Variants in SIDT1 observed in about 807,000 individuals in gnomAD.
SIDT1 encodes the protein SID1 transmembrane family member 1.
SIDT1 carries 101 observed loss-of-function variants against 107.5 expected under a neutral mutation model. That is an observed-to-expected ratio of 0.94 (90% confidence interval 0.80 to 1.11). The LOEUF (loss-of-function observed/expected upper bound fraction) is 1.11. Among genes scored for constraint, SIDT1 ranks in the 50% least tolerant of loss-of-function variants. SIDT1 has a pLI of 0.00. For missense variants in SIDT1, 1,076 were observed against 1,058.2 expected (o/e 1.02, Z -0.23); for synonymous variants, 395 against 398.2 (o/e 0.99, Z 0.10).
At chr3:113,620,493 C>G (rs1174039172) in intron 21 of SIDT1, among the ~76,000 whole-genome samples, 2 of 137,622 alleles carry the variant, frequency 1.5e-5, no homozygotes, top group Non-Finnish European at 3.2e-5. Context: ...GGGTCAGTGG[C>G]CTGTGATTAA....
intron 3 of SIDT1, among the ~76,000 whole-genome samples, chr3:113,570,898 C>T (rs2094127884): frequency 5.9e-5 from 9 of 152,212 alleles, no homozygotes; most frequent in Admixed American, 5.9e-4. Context: ...ATCTAATCCA[C>T]CTGCCTCATT....
chr3:113,626,419 C>T (rs563153574), intron 24 of SIDT1, among the ~76,000 whole-genome samples: 22 of 152,152 alleles, frequency 1.4e-4, no homozygotes, highest in Middle Eastern at 3.4e-3. Context: ...TTTTACTCTT[C>T]AATATCTTTA....
intron 1 of SIDT1, among the ~76,000 whole-genome samples, chr3:113,548,820 A>T (rs547557522): frequency 6.6e-6 from 1 of 152,192 alleles, no homozygotes; most frequent in Non-Finnish European, 1.5e-5. Context: ...TCTTTGTCTT[A>T]TTCAATATAT....
At chr3:113,555,212 C>T (rs1940711953) in intron 1 of SIDT1, among the ~76,000 whole-genome samples, 4 of 152,180 alleles carry the variant, frequency 2.6e-5, no homozygotes, top group Non-Finnish European at 4.4e-5. Context: ...CTCTGCCCTC[C>T]TCCTACTTTT....
chr3:113,552,908 G>A (rs923495810), intron 1 of SIDT1, among the ~76,000 whole-genome samples: 1 of 152,078 alleles, frequency 6.6e-6, no homozygotes, highest in African/African-American at 2.4e-5. Flanking sequence ...AACATGCAAG[G>A]GTTTTGGATG....
In SIDT1 at chr3:113,558,227, G is replaced by A. The variant is rs370409132; in HGVS notation, c.223-8193G>A. Among the ~76,000 whole-genome samples the A allele has an allele frequency of 9.2e-5, 14 of 152,298 alleles. No homozygotes were observed. The East Asian group carries it at 2.7e-3, about 29-fold the overall frequency. On this transcript the variant is annotated intron_variant, in intron 1 of 24. Coordinates refer to ENST00000264852, the MANE Select transcript of SIDT1 (RefSeq NM_017699.3). Reference sequence around the variant, plus strand: ...GCAAACACAAAGGCCAGCACATCATGGCTTCTTTTTTATTATTACTAGGAA... The same window carrying A: ...GCAAACACAAAGGCCAGCACATCATAGCTTCTTTTTTATTATTACTAGGAA...
At chr3:113,588,986 G>T (rs527316558) in intron 9 of SIDT1, among the ~76,000 whole-genome samples, 1 of 152,150 alleles carries the variant, frequency 6.6e-6, no homozygotes, top group Non-Finnish European at 1.5e-5. Context: ...GCTCTTCTGG[G>T]CTGGCCTCAG....
downstream of SIDT1, among the ~76,000 whole-genome samples, chr3:113,630,344 C>T (rs1293923845): frequency 6.6e-6 from 1 of 152,116 alleles, no homozygotes; most frequent in Non-Finnish European, 1.5e-5. Flanking sequence ...TTATGCTCCA[C>T]GGTTTACTGA....
the SIDT1 span, among the ~76,000 whole-genome samples, chr3:113,636,535 A>G: frequency 6.6e-6 from 1 of 152,170 alleles, no homozygotes; most frequent in Non-Finnish European, 1.5e-5. Context: ...AGTAAGTTCT[A>G]CACAACTACA....
chr3:113,583,850 G>A (rs774784948), intron 7 of SIDT1, among the ~76,000 whole-genome samples: 1 of 152,136 alleles, frequency 6.6e-6, no homozygotes, highest in Non-Finnish European at 1.5e-5. Flanking sequence ...AAGATGGGGT[G>A]GTAACCAGTA....
At chr3:113,537,226 C>T (rs2107566988) in intron 1 of SIDT1, among the ~76,000 whole-genome samples, 1 of 152,302 alleles carries the variant, frequency 6.6e-6, no homozygotes, top group Middle Eastern at 3.4e-3. Flanking sequence ...CATTTATTAA[C>T]TAAGGCATTT....
chr3:113,620,192 A>ATGTGTG (rs3085042), intron 21 of SIDT1, among the ~76,000 whole-genome samples: 11,053 of 144,516 alleles, frequency 0.076, 689 homozygotes, highest in East Asian at 0.25. Flanking sequence ...CTTTTACTAA[A>ATGTGTG]TGTGTGTGTG....
intron 19 of SIDT1, chr3:113,615,192 C>T (rs1432126791): frequency 7.2e-6 from 8 of 1,115,808 alleles, no homozygotes; most frequent in Admixed American, 2.0e-5. Flanking sequence ...GGGCAGACTC[C>T]GTGGGAGTGG....
At chr3:113,584,875 C>A (rs1453522494) in intron 8 of SIDT1, 106 bp downstream of exon 8, 10 of 849,054 alleles carry the variant, frequency 1.2e-5, no homozygotes, top group Admixed American at 2.6e-5. Flanking sequence ...CATAAGAAAA[C>A]TAAAGTATAT....
intron 9 of SIDT1, among the ~76,000 whole-genome samples, chr3:113,589,084 A>G (rs74538129): frequency 0.014 from 2,113 of 152,338 alleles, 52 homozygotes; most frequent in African/African-American, 0.049. Flanking sequence ...CCTCTTGAAG[A>G]TGCAGATTCG....
rs567173410 is a variant in SIDT1 at position 113,549,537 on chromosome 3, C to T, written c.222+16294C>T. 3.9e-5 allele frequency among the ~76,000 whole-genome samples: 6 copies of T among 152,206 alleles called. No individual in the cohort carries two copies. The East Asian group carries it at 1.2e-3, about 29-fold the overall frequency. On this transcript the variant is annotated intron_variant, in intron 1 of 24. Transcript: ENST00000264852. Reference sequence around the variant, plus strand: ...ATGTTGTTGATCATATTTTCATATGCTTGTTTACCATCTATATATCTTCTC... The same window carrying T: ...ATGTTGTTGATCATATTTTCATATGTTTGTTTACCATCTATATATCTTCTC...
At chr3:113,587,150 G>C (rs1197276394) in intron 9 of SIDT1, among the ~76,000 whole-genome samples, 1 of 152,006 alleles carries the variant, frequency 6.6e-6, no homozygotes, top group East Asian at 1.9e-4. Context: ...TTGTATGCAA[G>C]TTACTTTCAA....
At chr3:113,599,298 G>A (rs942344177) in intron 10 of SIDT1, among the ~76,000 whole-genome samples, 3 of 152,246 alleles carry the variant, frequency 2.0e-5, no homozygotes, top group African/African-American at 7.2e-5. Context: ...GATGACCCAC[G>A]CCAGTGGGTA....
intron 9 of SIDT1, among the ~76,000 whole-genome samples, chr3:113,587,265 T>A (rs1943808934): frequency 6.6e-6 from 1 of 152,082 alleles, no homozygotes; most frequent in African/African-American, 2.4e-5. Flanking sequence ...TAAAAGCAAA[T>A]GAGGTAATAA....
Sources: allele counts gnomAD v4.1 joint callset (sites outside exome capture counted in the v4.1 genomes callset), GRCh38; gene constraint gnomAD v4.1.1; transcripts MANE v1.5; gene names NCBI Gene and HGNC (gene_info 2026-07-23, HGNC 2026-07-21).